The following WWOX variants were observed in gnomAD, a reference collection of about 807,000 sequenced individuals.
WWOX encodes WW domain-containing oxidoreductase.
Under a neutral mutation model 46.2 loss-of-function variants are expected in WWOX, and 69 were observed. The ratio of observed to expected loss-of-function variants is 1.49; its 90% CI spans 1.23 to 1.82. The LOEUF (loss-of-function observed/expected upper bound fraction) is 1.82, where lower values mean the gene tolerates loss of function less well. WWOX is among the 40% of genes most tolerant of loss of function. The pLI is 0.00. For missense variants in WWOX, 919 were observed against 542.6 expected (o/e 1.69, Z -6.89); for synonymous variants, 359 against 202.6 (o/e 1.77, Z -6.56).
rs926216542 is a variant in WWOX, at chr16:78,710,639, G to T, written c.1056+277887G>T. 3.3e-5 allele frequency among the ~76,000 whole-genome samples: 5 copies of T among 149,448 alleles called. No individual in the cohort carries two copies. The East Asian group carries it at 5.9e-4, about 18-fold the overall frequency. On this transcript the variant is annotated intron_variant, in intron 8 of 8. Transcript: ENST00000566780. ...TATATAGATTTTGTTTTTTGAGACA[G>T]GGTCTTGCTCTGTCACTCAGGCTGG... is the stretch of plus-strand genomic sequence containing the variant.
intron 8 of WWOX, among the ~76,000 whole-genome samples, chr16:78,613,942 T>C (rs80115237): frequency 0.033 from 4,981 of 152,278 alleles, 307 homozygotes; most frequent in African/African-American, 0.11. Context: ...CAGCTGTACC[T>C]GTTGGTTTAC....
chr16:78,163,390 C>A (rs719743), intron 4 of WWOX, among the ~76,000 whole-genome samples: 114,124 of 152,114 alleles, frequency 0.75, 43,066 homozygotes, highest in East Asian at 0.87. Flanking sequence ...GATCCCGACC[C>A]AAGGTTTGGT....
chr16:78,846,426 G>A (rs1027786639), intron 8 of WWOX, among the ~76,000 whole-genome samples: 1 of 151,924 alleles, frequency 6.6e-6, no homozygotes, highest in Non-Finnish European at 1.5e-5. Context: ...AGTTTCTCAT[G>A]CATTATTTTT....
At chr16:78,637,273 A>C (rs1051458631) in intron 8 of WWOX, among the ~76,000 whole-genome samples, 1 of 151,880 alleles carries the variant, frequency 6.6e-6, no homozygotes. Context: ...CCCTTCCCAT[A>C]TCTACTAAAA....
chr16:78,745,522 C>CTTTTTTT (rs5818168), intron 8 of WWOX, among the ~76,000 whole-genome samples: 13 of 92,740 alleles, frequency 1.4e-4, no homozygotes, highest in East Asian at 3.1e-4. Flanking sequence ...TGTGGAAATC[C>CTTTTTTT]TTTTTTTTTT....
chr16:78,842,806 C>G (rs4888863), intron 8 of WWOX, among the ~76,000 whole-genome samples: 1 of 143,500 alleles, frequency 7.0e-6, no homozygotes, highest in South Asian at 2.3e-4. Flanking sequence ...CAACCAAGAT[C>G]ACGCCACTGC....
intron 8 of WWOX, among the ~76,000 whole-genome samples, chr16:78,479,180 T>C (rs2084428552): frequency 1.3e-5 from 2 of 152,236 alleles, no homozygotes; most frequent in Non-Finnish European, 1.5e-5. Flanking sequence ...TCTGTTTGGA[T>C]TAACATATTC....
chr16:79,027,748 G>A (rs1448117960), intron 8 of WWOX, among the ~76,000 whole-genome samples: 1 of 151,464 alleles, frequency 6.6e-6, no homozygotes, highest in African/African-American at 2.4e-5. Flanking sequence ...TCTCTTTTTT[G>A]ATTTAGATGT....
intron 8 of WWOX, among the ~76,000 whole-genome samples, chr16:78,804,975 A>G: frequency 6.6e-6 from 1 of 152,194 alleles, no homozygotes; most frequent in East Asian, 1.9e-4. Context: ...GTTTCCATTG[A>G]TATTTGGGAA....
At chr16:78,623,516 C>G (rs2046238075) in intron 8 of WWOX, among the ~76,000 whole-genome samples, 1 of 151,944 alleles carries the variant, frequency 6.6e-6, no homozygotes, top group Non-Finnish European at 1.5e-5. Flanking sequence ...CCCATCTCTA[C>G]TAAAAATACA....
At chr16:78,817,769 C>A (rs183653963) in intron 8 of WWOX, among the ~76,000 whole-genome samples, 10 of 152,134 alleles carry the variant, frequency 6.6e-5, no homozygotes, top group Non-Finnish European at 1.5e-4. Context: ...CCTGAGATTG[C>A]GCCTCCTCAC....
chr16:78,912,468 G>T (rs2045136748), intron 8 of WWOX, among the ~76,000 whole-genome samples: 1 of 151,822 alleles, frequency 6.6e-6, no homozygotes, highest in Admixed American at 6.6e-5. Flanking sequence ...TTCACCCAAA[G>T]CCACTAACAC....
chr16:78,285,096 T>G (rs140215558), intron 5 of WWOX, among the ~76,000 whole-genome samples: 15 of 152,178 alleles, frequency 9.9e-5, no homozygotes, highest in Admixed American at 7.2e-4. Flanking sequence ...CTGCTTCTGC[T>G]TTGTTTATAG....
At chr16:78,559,270 C>T (rs1033052932) in intron 8 of WWOX, among the ~76,000 whole-genome samples, 2 of 152,156 alleles carry the variant, frequency 1.3e-5, no homozygotes, top group African/African-American at 2.4e-5. Flanking sequence ...TTAGAAAGAG[C>T]CCTCTGGCTT....
chr16:78,405,824 G>C (rs1291948500), intron 6 of WWOX, among the ~76,000 whole-genome samples: 1 of 152,140 alleles, frequency 6.6e-6, no homozygotes. Flanking sequence ...CTGTGGCTCA[G>C]AGGGGTTTAT....
At chr16:78,862,966 T>C (rs950337411) in intron 8 of WWOX, among the ~76,000 whole-genome samples, 1 of 150,834 alleles carries the variant, frequency 6.6e-6, no homozygotes, top group Non-Finnish European at 1.5e-5. Context: ...CAAGTTTTTT[T>C]TTTTTTTTTT....
intron 8 of WWOX, among the ~76,000 whole-genome samples, chr16:78,547,894 G>T (rs1162281956): frequency 6.6e-6 from 1 of 152,234 alleles, no homozygotes; most frequent in South Asian, 2.1e-4. Flanking sequence ...GCTCACACCT[G>T]TAATCCCAGC....
In WWOX at chr16:78,880,744, A is replaced by G. The variant is rs182903352; in HGVS notation, c.1057-330864A>G. Among the ~76,000 whole-genome samples the G allele has an allele frequency of 2.0e-5, 3 of 152,270 alleles. No individual in the cohort carries two copies. The East Asian group carries it at 5.8e-4, about 29-fold the overall frequency. On this transcript the variant is annotated intron_variant, in intron 8 of 8. Transcript: ENST00000566780. ...TGAGTGACTATTTTTTGACAACACT[A>G]CCTTTGGGAGAAGATGGTTTCAAAG... is the stretch of plus-strand genomic sequence containing the variant.
chr16:79,208,803 TTAAGA>T (rs1159942060), intron 8 of WWOX, among the ~76,000 whole-genome samples: 2 of 152,174 alleles, frequency 1.3e-5, no homozygotes, highest in African/African-American at 4.8e-5. Context: ...TCTGATCATA[TTAAGA>T]TGTCACTCAG....
Sources: allele counts gnomAD v4.1 joint callset (sites outside exome capture counted in the v4.1 genomes callset), GRCh38; gene constraint gnomAD v4.1.1; transcripts MANE v1.5; gene names NCBI Gene and HGNC (gene_info 2026-07-23, HGNC 2026-07-21).